XPR1: variants seen among roughly 807,000 people sequenced by gnomAD.
XPR1 encodes xenotropic and polytropic retrovirus receptor 1.
A neutral mutation model predicts 87.5 loss-of-function variants in XPR1; 28 were observed. The observed-to-expected ratio is 0.32, with a 90% CI of 0.24 to 0.44. The LOEUF (loss-of-function observed/expected upper bound fraction) is 0.44. Among genes scored for constraint, XPR1 ranks in the 20% least tolerant of loss-of-function variants. The pLI is 1.00. For synonymous variants in XPR1, 300 were observed against 306.1 expected (o/e 0.98, Z 0.21); for missense variants, 559 against 862.3 (o/e 0.65, Z 4.41).
At chr1:180,730,890 C>T (rs540606565) in intron 2 of XPR1, among the ~76,000 whole-genome samples, 1 of 151,994 alleles carries the variant, frequency 6.6e-6, no homozygotes, top group Non-Finnish European at 1.5e-5. Context: ...TGGTCTTGAA[C>T]TCCTGGGCTC....
At chr1:180,762,743 C>T (rs185829370) in intron 2 of XPR1, among the ~76,000 whole-genome samples, 61 of 152,222 alleles carry the variant, frequency 4.0e-4, no homozygotes, top group African/African-American at 1.3e-3. Flanking sequence ...TGTTATTGCC[C>T]CAGAAAGACA....
At position 180,888,381 on chromosome 1, in the gene XPR1, C is replaced by T. The variant is rs1002578426; in HGVS notation, c.*4315C>T. On this transcript the variant is annotated 3_prime_UTR_variant, in exon 15 of 15. Transcript: ENST00000367590. ...TACATGAAATTTTCCTCTCAAAAAA[C>T]AAGTACCTCTTACTGTATAACATTT... 1 of 104,890 alleles carries T rather than the reference C, an allele frequency of 9.5e-6. No homozygotes were observed. The highest frequency in any genetic ancestry group is 2.3e-5 in the Non-Finnish European group (1 of 43,956). The allele number at this position is 104,890 out of a possible 1,614,324, so 6.5% of individuals were successfully genotyped here.
intron 2 of XPR1, among the ~76,000 whole-genome samples, chr1:180,711,850 G>A (rs1034474341): frequency 3.9e-5 from 6 of 152,082 alleles, no homozygotes; most frequent in Non-Finnish European, 8.8e-5. Flanking sequence ...TTTACATTTA[G>A]GTCTGTGTCC....
At chr1:180,703,868 A>G (rs1657449406) in intron 2 of XPR1, among the ~76,000 whole-genome samples, 1 of 152,062 alleles carries the variant, frequency 6.6e-6, no homozygotes, top group African/African-American at 2.4e-5. Flanking sequence ...TATATCGAGT[A>G]CTCAGTAGCG....
chr1:180,676,376 ATC>A (rs1178980051), intron 1 of XPR1, among the ~76,000 whole-genome samples: 5 of 152,114 alleles, frequency 3.3e-5, no homozygotes, highest in Admixed American at 6.5e-5. Context: ...AAACATTTGA[ATC>A]TCTGATATTA....
Position 180,819,681 on chromosome 1 carries a change from A to G in XPR1, c.764-5072A>G, listed in dbSNP as rs12409824. 5.7e-3 allele frequency among the ~76,000 whole-genome samples: 869 copies of G among 152,312 alleles called. 37 individuals carry two copies. The highest frequency in any genetic ancestry group is 0.044 in the Admixed American group (680 of 15,304). ...CTAGACAGAATTAGAAAATTTTGAT[A>G]TATTAGAGCAAATCTATCACCACCA... is the stretch of plus-strand genomic sequence containing the variant. On this transcript the variant is annotated intron_variant, in intron 7 of 14. Transcript: ENST00000367590.
chr1:180,659,824 C>CT (rs1655703803), intron 1 of XPR1, among the ~76,000 whole-genome samples: 1 of 151,808 alleles, frequency 6.6e-6, no homozygotes, highest in African/African-American at 2.4e-5. Flanking sequence ...GCCTAGTTTT[C>CT]TTTTTTTGAT....
chr1:180,728,302 G>A (rs868668179), intron 2 of XPR1, among the ~76,000 whole-genome samples: 2 of 146,166 alleles, frequency 1.4e-5, no homozygotes, highest in East Asian at 2.1e-4. Context: ...ATAACTGGGG[G>A]GGGGGGTAGT....
rs1173437868 is a variant in XPR1 at position 180,836,530 on chromosome 1, A to G, written c.1315A>G (p.Ile439Val). The G allele has an allele frequency of 1.2e-6, 2 of 1,613,970 alleles. No homozygotes were observed. The highest frequency in any genetic ancestry group is 1.7e-6 in the Non-Finnish European group (2 of 1,179,988). ...LLPNNSEESG[I>V]CHKYTYGVRA... ...CTTTGAAATCTTCACAGAATCAGGA[A>G]TTTGCCACAAATATACATATGGTGT... Residue 439 changes from isoleucine to valine, a missense_variant, in exon 11 of 15, where the codon ATT becomes GTT. Around this residue, in one of 7 missense-constraint regions of XPR1, gnomAD observed 264 missense variants for 377.2 expected, o/e 0.70. Transcript: ENST00000367590.
chr1:180,653,985 C>T (rs994711918), intron 1 of XPR1, among the ~76,000 whole-genome samples: 13 of 152,104 alleles, frequency 8.5e-5, no homozygotes, highest in Admixed American at 6.6e-5. Flanking sequence ...CTGAGGAAAG[C>T]GAAACCTCGG....
chr1:180,801,546 G>A (rs1558014736), intron 3 of XPR1, among the ~76,000 whole-genome samples: 2 of 152,154 alleles, frequency 1.3e-5, no homozygotes, highest in South Asian at 4.1e-4. Flanking sequence ...ATTAAGAATA[G>A]AGATGAATCT....
At chr1:180,875,111 G>T (rs575556122) in intron 13 of XPR1, among the ~76,000 whole-genome samples, 15 of 152,218 alleles carry the variant, frequency 9.9e-5, no homozygotes, top group African/African-American at 3.4e-4. Context: ...TCAACAAATT[G>T]CAGGGATTAT....
Position 180,880,077 on chromosome 1 carries a change from C to T in XPR1, c.1810C>T (p.Arg604Ter), listed in dbSNP as rs980228450. 6.2e-7 allele frequency: 1 copy of T among 1,614,094 alleles called. No individual in the cohort carries two copies. The highest frequency in any genetic ancestry group is 1.1e-5 in the South Asian group (1 of 91,084). The change falls in exon 14 of 15, where the codon CGA becomes TGA. Residue 604 changes from arginine (R) to a stop codon, truncating the protein, a stop_gained and splice_region_variant. Transcript: ENST00000367590. LOFTEE classifies it high-confidence loss of function. ...TVFAPLEVFR[R>*]FVWNFFRLEN... ...TTTGATCTACCCCATTTTGCTAAGGCGATTTGTGTGGAACTTCTTCCGCCT... is the reference window on the plus strand; with the variant it reads ...TTTGATCTACCCCATTTTGCTAAGGTGATTTGTGTGGAACTTCTTCCGCCT...
chr1:180,880,680 GC>G (rs1652825183), intron 14 of XPR1, among the ~76,000 whole-genome samples: 1 of 152,050 alleles, frequency 6.6e-6, no homozygotes, highest in Non-Finnish European at 1.5e-5. Context: ...TCTGTTTTCT[GC>G]CCCCATCTGT....
intron 2 of XPR1, among the ~76,000 whole-genome samples, chr1:180,730,140 T>C (rs1202850916): frequency 1.3e-5 from 2 of 152,230 alleles, no homozygotes; most frequent in Non-Finnish European, 2.9e-5. Flanking sequence ...ATTTATTGAA[T>C]AGGGAATCCT....
At chr1:180,822,117 A>G (rs567055144) in intron 7 of XPR1, among the ~76,000 whole-genome samples, 1 of 152,294 alleles carries the variant, frequency 6.6e-6, no homozygotes, top group South Asian at 2.1e-4. Context: ...AAAATAATTC[A>G]TGAGGTCATG....
At chr1:180,824,983 G>T (rs372161958) in intron 8 of XPR1, 40 bp downstream of exon 8, 3 of 1,591,828 alleles carry the variant, frequency 1.9e-6, no homozygotes, top group Non-Finnish European at 2.6e-6. Flanking sequence ...AATATAGTTT[G>T]CATTAGCTAT....
chr1:180,837,392 A>C (rs1651332136), intron 11 of XPR1, among the ~76,000 whole-genome samples: 1 of 152,170 alleles, frequency 6.6e-6, no homozygotes, highest in Non-Finnish European at 1.5e-5. Context: ...GCACTTTTTC[A>C]TCTGTAGGTT....
At chr1:180,698,053 C>A (rs1218101817) in intron 2 of XPR1, among the ~76,000 whole-genome samples, 1 of 152,114 alleles carries the variant, frequency 6.6e-6, no homozygotes, top group Admixed American at 6.6e-5. Flanking sequence ...AAGTTCCCAA[C>A]TATTAGTGTA....
Sources: allele counts gnomAD v4.1 joint callset (sites outside exome capture counted in the v4.1 genomes callset), GRCh38; gene constraint gnomAD v4.1.1; regional missense constraint gnomAD v4.1.1; transcripts MANE v1.5; gene names NCBI Gene and HGNC (gene_info 2026-07-23, HGNC 2026-07-21).